The following HOXA3 variants were observed in gnomAD, a reference collection of about 807,000 sequenced individuals.
HOXA3 encodes the protein homeobox protein Hox-A3.
A neutral mutation model predicts 30.3 loss-of-function variants in HOXA3; 8 were observed. The observed-to-expected ratio is 0.26, with a 90% CI of 0.15 to 0.48. The LOEUF (loss-of-function observed/expected upper bound fraction) is 0.48. Ranked by LOEUF, HOXA3 falls within the 20% of genes least tolerant of loss-of-function variation. The probability of loss-of-function intolerance (pLI) is 0.99; values close to 1 mark genes in which losing one functional copy is unlikely to be tolerated. For synonymous variants in HOXA3, 323 were observed against 273.1 expected (o/e 1.18, Z -1.80); for missense variants, 653 against 614.4 (o/e 1.06, Z -0.66).
In HOXA3 at chr7:27,110,352, C is replaced by T; in HGVS notation, c.289G>A (p.Ala97Thr). The change falls in exon 5 of 6, where the codon GCC becomes ACC. Residue 97 changes from alanine to threonine, a missense_variant. Ala to Thr is a moderately conservative substitution (Grantham distance 58, BLOSUM62 0). Coordinates refer to ENST00000612286, the MANE Select transcript of HOXA3 (RefSeq NM_153631.3). ...EPPLHPPPPQ[A>T]APPAPQPPQP... ...GGCGGCTGTGGGGCAGGGGGCGCGG[C>T]CTGGGGCGGCGGCGGGTGCAGGGGC... is the stretch of plus-strand genomic sequence containing the variant. 6.6e-7 allele frequency: 1 copy of T among 1,507,298 alleles called. No individual in the cohort carries two copies. The highest frequency in any genetic ancestry group is 1.3e-5 in the South Asian group (1 of 77,138). The allele number at this position is 1,507,298 out of a possible 1,614,324, so 93.4% of individuals were successfully genotyped here.
At chr7:27,141,636 A>G in intron 1 of HOXA3, 2 of 564,922 alleles carry the variant, frequency 3.5e-6, no homozygotes, top group Non-Finnish European at 3.0e-6. Flanking sequence ...CATTCAGGAC[A>G]AAGAGATGAA....
In HOXA3 at chr7:27,110,568, C is replaced by A. The variant is rs1424321019; in HGVS notation, c.73G>T (p.Ala25Ser). 6.2e-7 allele frequency: 1 copy of A among 1,607,236 alleles called. No individual in the cohort carries two copies. The highest frequency in any genetic ancestry group is 2.2e-5 in the East Asian group (1 of 44,600). Reference sequence around the variant, plus strand: ...TACGGCTGCTGATTGGCATTATAAGCGAACCCGTTGGCTGCCTGGTAGGGG... The same window carrying A: ...TACGGCTGCTGATTGGCATTATAAGAGAACCCGTTGGCTGCCTGGTAGGGG... The part of the protein sequence containing the change: ...GYPYQAANGF[A>S]YNANQQPYPA... Residue 25 changes from alanine to serine, a missense_variant, in exon 5 of 6, where the codon GCT becomes TCT. Physicochemically the swap from Ala to Ser is moderately conservative, Grantham distance 99. This residue lies in a region of HOXA3 where 320 missense variants were observed against 321.9 expected (regional missense o/e 0.99). Transcript: ENST00000612286.
intron 4 of HOXA3, among the ~76,000 whole-genome samples, chr7:27,118,436 T>G (rs924066167): frequency 9.2e-5 from 14 of 152,208 alleles, no homozygotes; most frequent in African/African-American, 3.4e-4. Flanking sequence ...ATCCTTTTAT[T>G]TGAAATAGGG....
At chr7:27,114,777 G>C (rs547470262) in intron 4 of HOXA3, among the ~76,000 whole-genome samples, 1 of 17,058 alleles carries the variant, frequency 5.9e-5, no homozygotes, top group Non-Finnish European at 1.6e-4. Flanking sequence ...ACGCAGGGCA[G>C]AGGAATATGT....
intron 4 of HOXA3, chr7:27,115,775 C>T (rs992004355): frequency 3.9e-5 from 6 of 152,270 alleles, no homozygotes; most frequent in Non-Finnish European, 7.3e-5. Flanking sequence ...CTATCCGCCC[C>T]GATACGTGGC....
intron 3 of HOXA3, among the ~76,000 whole-genome samples, chr7:27,125,388 G>C (rs1165390939): frequency 6.6e-6 from 1 of 152,220 alleles, no homozygotes; most frequent in Non-Finnish European, 1.5e-5. Flanking sequence ...AAGTAGGGCT[G>C]GCTTGAAAGG....
intron 1 of HOXA3, chr7:27,142,792 T>A: frequency 2.3e-6 from 1 of 425,750 alleles, no homozygotes; most frequent in South Asian, 7.1e-5. Context: ...TCCAGAGGGG[T>A]TTTTTGCTTC....
rs1319069268 is a variant in HOXA3, at chr7:27,147,510, A to T, written c.-494+4778T>A. 6 of 1,614,064 alleles carry T rather than the reference A, an allele frequency of 3.7e-6. No individual in the cohort carries two copies. In the Admixed American group the frequency reaches 5.0e-5, roughly 13 times the overall value. On this transcript the variant is annotated intron_variant, in intron 1 of 5. Coordinates refer to ENST00000612286, the MANE Select transcript of HOXA3 (RefSeq NM_153631.3). ...AGGCGCCACTGAGGTCCTTATCAGA[A>T]TAGAAACACGAGGCCCCGTACTCGT...
chr7:27,139,656 C>G (rs909157040), intron 2 of HOXA3, among the ~76,000 whole-genome samples: 1 of 152,104 alleles, frequency 6.6e-6, no homozygotes, highest in African/African-American at 2.4e-5. Context: ...CCGCGGCCGG[C>G]GCCCCACTGT....
At chr7:27,130,242 TG>T in intron 2 of HOXA3, 2 of 1,303,564 alleles carry the variant, frequency 1.5e-6, no homozygotes, top group Admixed American at 3.9e-5. Context: ...CCGGGACGCC[TG>T]GGGTGGCGGG....
chr7:27,123,345 A>T (rs920830100), intron 3 of HOXA3: 13 of 152,460 alleles, frequency 8.5e-5, no homozygotes, highest in African/African-American at 3.1e-4. Context: ...ATACCTGCTC[A>T]GGGGCCCTGC....
chr7:27,145,141 CCGG>C (rs1782705074), intron 1 of HOXA3, among the ~76,000 whole-genome samples: 1 of 152,192 alleles, frequency 6.6e-6, no homozygotes, highest in South Asian at 2.1e-4. Context: ...CGCGACAAGG[CCGG>C]GCTCCAGCTC....
At chr7:27,148,114 C>G (rs749093944) in intron 1 of HOXA3, among the ~76,000 whole-genome samples, 4 of 152,264 alleles carry the variant, frequency 2.6e-5, no homozygotes, top group Non-Finnish European at 4.4e-5. Context: ...GCTTGGGCCG[C>G]CTCAAAGGCC....
chr7:27,133,430 C>G (rs564010982), intron 2 of HOXA3, among the ~76,000 whole-genome samples: 1 of 152,182 alleles, frequency 6.6e-6, no homozygotes, highest in African/African-American at 2.4e-5. Context: ...AGATGGGATG[C>G]CCTGAAATGT....
intron 1 of HOXA3, chr7:27,151,654 C>T (rs578057995): frequency 3.5e-4 from 162 of 456,734 alleles, no homozygotes; most frequent in African/African-American, 2.9e-3. Flanking sequence ...GGGAAGCCGG[C>T]AACGAGCGGA....
Position 27,140,129 on chromosome 7 carries a change from G to C in HOXA3, c.-436C>G, listed in dbSNP as rs1782512663. 6.6e-6 allele frequency: 1 copy of C among 152,124 alleles called. No homozygotes were observed. The highest frequency in any genetic ancestry group is 2.4e-5 in the African/African-American group (1 of 41,406). The allele number at this position is 152,124 out of a possible 1,614,324, so 9.4% of individuals were successfully genotyped here. ...TTTCAGAGAGTTTTGAGAACTTGTG[G>C]TTTGGACACTTCTGGACCTAAAATT... On this transcript the variant is annotated 5_prime_UTR_variant, in exon 2 of 6. Coordinates refer to ENST00000612286, the MANE Select transcript of HOXA3 (RefSeq NM_153631.3).
intron 4 of HOXA3, among the ~76,000 whole-genome samples, chr7:27,119,906 T>C (rs1275179756): frequency 6.6e-6 from 1 of 152,156 alleles, no homozygotes; most frequent in Non-Finnish European, 1.5e-5. Flanking sequence ...AACCTCCATG[T>C]GAACTTTTCC....
At chr7:27,126,713 C>T (rs1468019478) in intron 3 of HOXA3, among the ~76,000 whole-genome samples, 173 bp downstream of exon 3, 1 of 152,130 alleles carries the variant, frequency 6.6e-6, no homozygotes, top group Non-Finnish European at 1.5e-5. Context: ...GCCATCTTGT[C>T]CTGGAATATC....
chr7:27,107,987 G>T lies in HOXA3; in HGVS notation c.1260C>A (p.Thr420=). The stretch of plus-strand genomic sequence containing the variant: ...GATGGTGGCCGGTAAGGTCCGTGTA[G>T]GTGGGGTGCGGCTCCCCAGGCCCCG... The part of the protein sequence containing the change: ...HGPGPGEPHP[T]YTDLTGHHPS... Residue 420 remains threonine (T), a synonymous_variant, in exon 6 of 6, where the codon ACC becomes ACA. Transcript: ENST00000612286. The T allele has an allele frequency of 3.7e-6, 6 of 1,611,466 alleles. No individual in the cohort carries two copies. In the South Asian group the frequency reaches 5.5e-5, roughly 15 times the overall value.
Sources: gnomAD v4.1 joint callset for allele counts (sites outside exome capture counted in the v4.1 genomes callset) on GRCh38, gnomAD v4.1.1 for gene constraint, gnomAD v4.1.1 regional missense constraint, MANE v1.5 for transcripts, NCBI Gene and HGNC (gene_info 2026-07-23, HGNC 2026-07-21) for gene names.